The following RIF1 variants were observed in gnomAD, a reference collection of about 807,000 sequenced individuals.
The protein encoded by RIF1 is replication timing regulatory factor 1, also known as telomere-associated protein RIF1.
Under a neutral mutation model 247.1 loss-of-function variants are expected in RIF1, and 45 were observed. That is an observed-to-expected ratio of 0.18 (90% confidence interval 0.14 to 0.23). RIF1 has a LOEUF of 0.23. Ranked by LOEUF, RIF1 falls within the 10% of genes least tolerant of loss-of-function variation. RIF1 has a pLI of 1.00. For missense variants in RIF1, 2,967 were observed against 2,862.5 expected, an observed-to-expected ratio of 1.04 and a Z score of -0.83; for synonymous variants, 1,087 against 978.8, an observed-to-expected ratio of 1.11 and a Z score of -2.06.
intron 9 of RIF1, among the ~76,000 whole-genome samples, chr2:151,429,395 G>C (rs925189501): frequency 6.6e-6 from 1 of 152,164 alleles, no homozygotes; most frequent in African/African-American, 2.4e-5. Context: ...TGGCCAGGCT[G>C]GTCTGGAACT....
rs774107958 is a variant in RIF1 at position 151,464,835 on chromosome 2, G to A, written c.5315G>A (p.Ser1772Asn). Residue 1772 changes from serine to asparagine, a missense_variant, in exon 30 of 36, where the codon AGC (serine) becomes AAC (asparagine). Around this residue, in one of 7 missense-constraint regions of RIF1, gnomAD observed 2,028 missense variants for 1,825.6 expected, o/e 1.11. Transcript: ENST00000444746. ...AAGGCAGATGTGCAAGCACCTGTAAGCCCATCAGAAACTTCTCAAGCTAAT... is the reference window on the plus strand; with the variant it reads ...AAGGCAGATGTGCAAGCACCTGTAAACCCATCAGAAACTTCTCAAGCTAAT... ...TKKADVQAPVSPSETSQANPY... is the reference protein window; with the variant it reads ...TKKADVQAPVNPSETSQANPY... The A allele has an allele frequency of 5.0e-6, 8 of 1,611,178 alleles. No homozygotes were observed. The African/African-American group carries it at 9.4e-5, about 19-fold the overall frequency.
chr2:151,409,916 T>A lies in RIF1; in HGVS notation c.-128T>A, dbSNP rs941356186. On this transcript the variant is annotated 5_prime_UTR_variant, in exon 1 of 36. Coordinates refer to ENST00000444746, the MANE Select transcript of RIF1 (RefSeq NM_018151.5). Reference sequence around the variant, plus strand: ...TGGGCCCGCCCAGCCGCCATCTTGGTCTAGGAGGGAGCGCGCCGCACGCGT... The same window carrying A: ...TGGGCCCGCCCAGCCGCCATCTTGGACTAGGAGGGAGCGCGCCGCACGCGT... 1 of 699,324 alleles carries A rather than the reference T, an allele frequency of 1.4e-6. No homozygotes were observed. The highest frequency in any genetic ancestry group is 2.6e-6 in the Non-Finnish European group (1 of 383,370). The allele number at this position is 699,324 out of a possible 1,614,324, so 43.3% of individuals were successfully genotyped here. A position where few individuals can be genotyped will look rare whatever the true frequency, so the allele number is the denominator to read the frequency against.
chr2:151,496,209 A>ATTATT (rs2060069341), intron 10 of RIF1: 1 of 1,417,748 alleles, frequency 7.1e-7, no homozygotes, highest in Non-Finnish European at 9.7e-7. Context: ...ATTAATATGT[A>ATTATT]TTATTTTAAA....
intron 10 of RIF1, 125 bp from the exon 11 acceptor site, chr2:151,435,338 C>T (rs1690956693): frequency 7.8e-6 from 5 of 638,106 alleles, no homozygotes; most frequent in Admixed American, 2.4e-5. Context: ...CCTGTTTGTG[C>T]ATGGAAACGA....
intron 11 of RIF1, chr2:151,501,240 TAGG>T: frequency 1.9e-6 from 1 of 527,274 alleles, no homozygotes; most frequent in Admixed American, 3.1e-5. Flanking sequence ...AAATGGTGAG[TAGG>T]AGATCTGGAA....
At chr2:151,509,370 C>T (rs2072109753), downstream of RIF1, among the ~76,000 whole-genome samples, 1 of 151,688 alleles carries the variant, frequency 6.6e-6, no homozygotes, top group South Asian at 2.1e-4. Context: ...AAACAATCGT[C>T]CTTTTATTTT....
chr2:151,529,534 ATT>A, the RIF1 span, among the ~76,000 whole-genome samples: 3 of 144,760 alleles, frequency 2.1e-5, no homozygotes, highest in African/African-American at 2.5e-5. Flanking sequence ...TTGCCATATA[ATT>A]TTTTTTTTTT....
intron 11 of RIF1, chr2:151,501,498 C>A: frequency 7.0e-7 from 1 of 1,425,750 alleles, no homozygotes; most frequent in Non-Finnish European, 9.4e-7. Context: ...GTGCACAAAA[C>A]CAACAAACAA....
intron 18 of RIF1, among the ~76,000 whole-genome samples, chr2:151,444,596 C>G (rs1057154451): frequency 2.0e-5 from 3 of 152,200 alleles, no homozygotes; most frequent in African/African-American, 7.2e-5. Context: ...CTGTGCTCAG[C>G]TTTTTACATT....
rs1694330222 is a variant in RIF1 at position 151,451,590 on chromosome 2, G to T, written c.2245-16G>T. 1 of 1,170,952 alleles carries T rather than the reference G, an allele frequency of 8.5e-7. No individual in the cohort carries two copies. Among genetic ancestry groups the T allele is most frequent in the African/African-American group, 1.5e-5 (1 of 66,396 alleles). The allele number at this position is 1,170,952 out of a possible 1,614,324, so 72.5% of individuals were successfully genotyped here. On this transcript the variant is annotated splice_polypyrimidine_tract_variant and intron_variant, in intron 20 of 35. Transcript: ENST00000444746. ...CAGTACTTGAATGTTTCTAACAGTG[G>T]TACTTTCTTCCCTAGAATTTGTTGT...
chr2:151,417,727 T>C (rs1362025586), intron 6 of RIF1, among the ~76,000 whole-genome samples: 1 of 152,220 alleles, frequency 6.6e-6, no homozygotes, highest in Non-Finnish European at 1.5e-5. Flanking sequence ...GCGTAGGTTA[T>C]ATGCAAATAC....
chr2:151,506,364 C>T (rs1279745691), exon 13 of RIF1: 4 of 834,668 alleles, frequency 4.8e-6, no homozygotes, highest in African/African-American at 1.7e-5. Flanking sequence ...AGACACTAGA[C>T]GATGTTCCCA....
At chr2:151,427,274 G>T (rs892735401) in intron 8 of RIF1, among the ~76,000 whole-genome samples, 5 of 150,948 alleles carry the variant, frequency 3.3e-5, no homozygotes, top group Non-Finnish European at 7.4e-5. Flanking sequence ...GTGCAAACAT[G>T]ATCTCGGCTC....
the RIF1 span, chr2:151,518,413 TGTACTG>T: frequency 6.2e-7 from 1 of 1,602,452 alleles, no homozygotes; most frequent in Non-Finnish European, 8.5e-7. Flanking sequence ...TACTTCTTCT[TGTACTG>T]GTACTGAGGG....
In RIF1 at chr2:151,479,548, A is replaced by G. The variant is rs1204485004; in HGVS notation, c.*4477A>G. ...CCCCTAATATTAATCTGGCAGTTAAATTTAGTAGTGCTATAATGAATAAGT... is the reference window on the plus strand; with the variant it reads ...CCCCTAATATTAATCTGGCAGTTAAGTTTAGTAGTGCTATAATGAATAAGT... On this transcript the variant is annotated 3_prime_UTR_variant, in exon 36 of 36. Transcript: ENST00000444746. The G allele has an allele frequency of 6.6e-6, 1 of 152,280 alleles. No homozygotes were observed. Among genetic ancestry groups the G allele is most frequent in the East Asian group, 1.9e-4 (1 of 5,184 alleles). 9.4% of individuals were successfully genotyped at this position (152,280 alleles called of 1,614,324 possible). A position where few individuals can be genotyped will look rare whatever the true frequency, so the allele number is the denominator to read the frequency against.
intron 9 of RIF1, among the ~76,000 whole-genome samples, chr2:151,488,210 G>A (rs2052750747): frequency 6.6e-6 from 1 of 151,866 alleles, no homozygotes; most frequent in Non-Finnish European, 1.5e-5. Context: ...TTTTTGTTAT[G>A]TATGCTGTAA....
In RIF1 at chr2:151,441,945, T is replaced by C; in HGVS notation, c.1688T>C (p.Val563Ala). ...ACAATTAAAGGACTTCCTCAGAAAG[T>C]ATTAGGTTCACCAGCATATCAGGTT... ...EITIKGLPQK[V>A]LGSPAYQVAN... Residue 563 changes from valine (V) to alanine (A), a missense_variant, in exon 16 of 36, where the codon GTA (valine) becomes GCA (alanine). Physicochemically the swap from Val to Ala is moderately conservative, Grantham distance 64. Around this residue, in one of 7 missense-constraint regions of RIF1, gnomAD observed 369 missense variants for 322.0 expected, o/e 1.15. Coordinates refer to ENST00000444746, the MANE Select transcript of RIF1 (RefSeq NM_018151.5). 6 of 1,569,188 alleles carry C rather than the reference T, an allele frequency of 3.8e-6. No homozygotes were observed. The African/African-American group carries it at 4.1e-5, about 11-fold the overall frequency.
chr2:151,511,055 G>A (rs1188989585), downstream of RIF1, among the ~76,000 whole-genome samples: 1 of 152,190 alleles, frequency 6.6e-6, no homozygotes, highest in Non-Finnish European at 1.5e-5. Context: ...GCCAAAGAGA[G>A]CCCCAGGAGA....
At chr2:151,420,734 CAAAAAAA>C (rs35285535) in intron 7 of RIF1, among the ~76,000 whole-genome samples, 1 of 111,844 alleles carries the variant, frequency 8.9e-6, no homozygotes, top group Non-Finnish European at 1.8e-5. Flanking sequence ...GACCCTGTCT[CAAAAAAA>C]AAAAAAAAAA....
Sources: allele counts gnomAD v4.1 joint callset (sites outside exome capture counted in the v4.1 genomes callset), GRCh38; gene constraint gnomAD v4.1.1; regional missense constraint gnomAD v4.1.1; transcripts MANE v1.5; gene names NCBI Gene and HGNC (gene_info 2026-07-23, HGNC 2026-07-21).